The following RBFOX1 variants were observed in gnomAD, a reference collection of about 807,000 sequenced individuals.
RBFOX1 encodes RNA binding protein fox-1 homolog 1.
Under a neutral mutation model 57.7 loss-of-function variants are expected in RBFOX1, and 8 were observed. The ratio of observed to expected loss-of-function variants is 0.14; its 90% CI spans 0.08 to 0.25. The LOEUF (loss-of-function observed/expected upper bound fraction) is 0.25, where lower values mean the gene tolerates loss of function less well. Among genes scored for constraint, RBFOX1 ranks in the 10% least tolerant of loss-of-function variants. The probability of loss-of-function intolerance (pLI) is 1.00; values close to 1 mark genes in which losing one functional copy is unlikely to be tolerated. For missense variants in RBFOX1, 611 were observed against 548.5 expected, an observed-to-expected ratio of 1.11 and a Z score of -1.14; for synonymous variants, 326 against 222.4, an observed-to-expected ratio of 1.47 and a Z score of -4.15.
chr16:7,647,695 ATATTT>A (rs1398635145), intron 11 of RBFOX1, among the ~76,000 whole-genome samples: 1 of 152,206 alleles, frequency 6.6e-6, no homozygotes, highest in Non-Finnish European at 1.5e-5. Flanking sequence ...ATTGATTTAA[ATATTT>A]TATTTCATAT....
At chr16:6,154,868 G>C (rs952767374) in intron 1 of RBFOX1, among the ~76,000 whole-genome samples, 1 of 152,182 alleles carries the variant, frequency 6.6e-6, no homozygotes, top group Non-Finnish European at 1.5e-5. Context: ...GTAAAAAAAT[G>C]AAAGGGTAAT....
intron 3 of RBFOX1, among the ~76,000 whole-genome samples, chr16:5,785,241 C>T (rs572767368): frequency 6.6e-6 from 1 of 152,160 alleles, no homozygotes; most frequent in Non-Finnish European, 1.5e-5. Flanking sequence ...AGTGGGATTG[C>T]AGTATGTTCA....
chr16:7,443,888 C>T (rs1226427024), intron 4 of RBFOX1, among the ~76,000 whole-genome samples: 1 of 152,158 alleles, frequency 6.6e-6, no homozygotes, highest in East Asian at 1.9e-4. Context: ...GTCTGAACTT[C>T]CTACAATAGG....
intron 3 of RBFOX1, among the ~76,000 whole-genome samples, chr16:5,739,622 C>G (rs2151586840): frequency 6.6e-6 from 1 of 152,306 alleles, no homozygotes; most frequent in Non-Finnish European, 1.5e-5. Flanking sequence ...TTGCAGCAGA[C>G]AGAGACGGAT....
At chr16:7,367,940 A>G (rs528841861) in intron 4 of RBFOX1, among the ~76,000 whole-genome samples, 50 of 151,838 alleles carry the variant, frequency 3.3e-4, no homozygotes, top group Non-Finnish European at 5.9e-4. Flanking sequence ...CAAACACATC[A>G]TTAGCCCAAG....
chr16:6,208,048 A>G lies in RBFOX1; in HGVS notation c.-126-108947A>G, dbSNP rs554569781. ...TGTGTGTATACATATATATGTGTAT[A>G]TATATGTGTGTATATATATAGTCTG... is the stretch of plus-strand genomic sequence containing the variant. On this transcript the variant is annotated intron_variant, in intron 1 of 15. Coordinates refer to ENST00000550418, the MANE Select transcript of RBFOX1 (RefSeq NM_018723.4). 3.8e-4 allele frequency among the ~76,000 whole-genome samples: 58 copies of G among 152,210 alleles called. 1 individual carries two copies. The South Asian group carries it at 0.011, about 30-fold the overall frequency.
intron 4 of RBFOX1, among the ~76,000 whole-genome samples, chr16:7,439,365 T>TA (rs35247636): frequency 0.055 from 7,912 of 143,610 alleles, 252 homozygotes; most frequent in African/African-American, 0.11. Flanking sequence ...AAAGGCAGAT[T>TA]AAAAAAAAAA....
chr16:6,959,424 C>T (rs2082494841), intron 3 of RBFOX1, among the ~76,000 whole-genome samples: 1 of 152,188 alleles, frequency 6.6e-6, no homozygotes, highest in Non-Finnish European at 1.5e-5. Context: ...TCACGCTTAT[C>T]ACAGCAGGGA....
Position 7,070,783 on chromosome 16 carries a change from C to T in RBFOX1, c.27+18685C>T, listed in dbSNP as rs528246152. ...AACTGAAGAATTGAGGTTTAGCCATCCCCCTTCCCCTTAGCCATTCAGGTG... is the reference window on the plus strand; with the variant it reads ...AACTGAAGAATTGAGGTTTAGCCATTCCCCTTCCCCTTAGCCATTCAGGTG... On this transcript the variant is annotated intron_variant, in intron 4 of 15. Coordinates refer to ENST00000550418, the MANE Select transcript of RBFOX1 (RefSeq NM_018723.4). Among the ~76,000 whole-genome samples, 5 of 152,270 alleles carry T rather than the reference C, an allele frequency of 3.3e-5. No individual in the cohort carries two copies. In the East Asian group the frequency reaches 9.7e-4, roughly 29 times the overall value.
chr16:6,748,500 A>T (rs901722257), intron 3 of RBFOX1, among the ~76,000 whole-genome samples: 3 of 152,128 alleles, frequency 2.0e-5, no homozygotes, highest in Non-Finnish European at 4.4e-5. Flanking sequence ...GTCTCTCCAA[A>T]AAATAAAGAT....
intron 1 of RBFOX1, among the ~76,000 whole-genome samples, chr16:5,429,803 G>C (rs775572005): frequency 1.4e-4 from 22 of 152,144 alleles, no homozygotes; most frequent in Non-Finnish European, 1.9e-4. Context: ...TTTAGTAATC[G>C]TCTATTGGCC....
intron 3 of RBFOX1, among the ~76,000 whole-genome samples, chr16:6,676,149 C>T (rs1466701354): frequency 5.2e-5 from 2 of 38,680 alleles, no homozygotes; most frequent in South Asian, 1.4e-3. Flanking sequence ...CGCGCACACA[C>T]ACACACACAC....
At chr16:6,387,447 C>G (rs2092354490) in intron 2 of RBFOX1, among the ~76,000 whole-genome samples, 1 of 145,632 alleles carries the variant, frequency 6.9e-6, no homozygotes, top group East Asian at 2.0e-4. Flanking sequence ...AAGAGCCACC[C>G]TAGATATGAA....
rs1199701253 is a variant in RBFOX1, at chr16:6,351,372, A to ATATAT, written c.-64+34316_-64+34317insATATT. ...TGTGTGTATATATATATATATATAT[A>ATATAT]TTTTTTTTTTTTTTTCTTGAGGCAG... is the stretch of plus-strand genomic sequence containing the variant. On this transcript the variant is annotated intron_variant, in intron 2 of 15. Coordinates refer to ENST00000550418, the MANE Select transcript of RBFOX1 (RefSeq NM_018723.4). Among the ~76,000 whole-genome samples the ATATAT allele has an allele frequency of 8.2e-4, 71 of 86,412 alleles. 1 individual carries two copies. Among genetic ancestry groups the ATATAT allele is most frequent in the East Asian group, 2.3e-3 (7 of 3,034 alleles). 56.7% of individuals were successfully genotyped at this position (86,412 alleles called of 152,430 possible).
chr16:7,132,330 T>C (rs115038202), intron 4 of RBFOX1, among the ~76,000 whole-genome samples: 1,610 of 152,072 alleles, frequency 0.011, 24 homozygotes, highest in African/African-American at 0.037. Flanking sequence ...ATATTTTTAA[T>C]TGAACTCCTA....
At chr16:5,330,008 G>C (rs1167382356) in intron 1 of RBFOX1, among the ~76,000 whole-genome samples, 1 of 148,840 alleles carries the variant, frequency 6.7e-6, no homozygotes, top group African/African-American at 2.5e-5. Context: ...AAAAAAGACC[G>C]ATGCGGTGTC....
At chr16:5,862,128 T>C (rs2057233737) in intron 3 of RBFOX1, among the ~76,000 whole-genome samples, 1 of 152,178 alleles carries the variant, frequency 6.6e-6, no homozygotes. Flanking sequence ...CAGTTCTATC[T>C]AAGCCAGAGA....
rs181260718 is a variant in RBFOX1, at chr16:6,816,015, A to T, written c.-16+161365A>T. On this transcript the variant is annotated intron_variant, in intron 3 of 15. Transcript: ENST00000550418. Reference sequence around the variant, plus strand: ...AGAGTTTCTTTCTGCCTATTGTACCATTTAAAAATAATCGGCCAGGAGCAA... The same window carrying T: ...AGAGTTTCTTTCTGCCTATTGTACCTTTTAAAAATAATCGGCCAGGAGCAA... 2.0e-5 allele frequency among the ~76,000 whole-genome samples: 3 copies of T among 152,348 alleles called. No homozygotes were observed. The East Asian group carries it at 5.8e-4, about 29-fold the overall frequency.
chr16:6,163,337 GC>G (rs1390284818), intron 1 of RBFOX1, among the ~76,000 whole-genome samples: 1 of 152,140 alleles, frequency 6.6e-6, no homozygotes, highest in Non-Finnish European at 1.5e-5. Context: ...AAGATGAACA[GC>G]TTTTGGGAGC....
Sources: gnomAD v4.1 joint callset for allele counts (sites outside exome capture counted in the v4.1 genomes callset) on GRCh38, gnomAD v4.1.1 for gene constraint, MANE v1.5 for transcripts, NCBI Gene and HGNC (gene_info 2026-07-23, HGNC 2026-07-21) for gene names.